SLC4A10: variants seen among roughly 807,000 people sequenced by gnomAD.
SLC4A10 encodes sodium-driven chloride bicarbonate exchanger.
SLC4A10 carries 42 observed loss-of-function variants against 137.7 expected under a neutral mutation model. The ratio of observed to expected loss-of-function variants is 0.30; its 90% CI spans 0.24 to 0.39. SLC4A10 has a LOEUF of 0.39. SLC4A10 is among the 10% of genes least tolerant of loss of function. SLC4A10 has a pLI of 1.00. For synonymous variants in SLC4A10, 474 were observed against 464.1 expected, an observed-to-expected ratio of 1.02 and a Z score of -0.27; for missense variants, 925 against 1,355.0, an observed-to-expected ratio of 0.68 and a Z score of 4.98.
chr2:161,797,148 G>T (rs2054855809), intron 2 of SLC4A10, among the ~76,000 whole-genome samples: 1 of 152,064 alleles, frequency 6.6e-6, no homozygotes, highest in African/African-American at 2.4e-5. Flanking sequence ...TAGTGAAATT[G>T]CAAGCTTTGC....
intron 2 of SLC4A10, among the ~76,000 whole-genome samples, chr2:161,794,000 T>G (rs541865643): frequency 6.6e-6 from 1 of 152,108 alleles, no homozygotes; most frequent in African/African-American, 2.4e-5. Flanking sequence ...ACTATCAGCA[T>G]CAATGAAGTT....
intron 3 of SLC4A10, among the ~76,000 whole-genome samples, chr2:161,822,952 A>C (rs906150923): frequency 3.9e-5 from 6 of 152,134 alleles, no homozygotes; most frequent in African/African-American, 1.4e-4. Context: ...TCCAGCCTGG[A>C]TGGCAGAAAG....
chr2:161,706,487 C>T (rs773641238), intron 1 of SLC4A10, among the ~76,000 whole-genome samples: 1 of 151,376 alleles, frequency 6.6e-6, no homozygotes, highest in Non-Finnish European at 1.5e-5. Flanking sequence ...CTCTTCATTC[C>T]TATTGCCACT....
intron 1 of SLC4A10, among the ~76,000 whole-genome samples, chr2:161,742,811 G>A (rs952512895): frequency 1.3e-5 from 2 of 152,024 alleles, no homozygotes; most frequent in African/African-American, 4.8e-5. Context: ...CATTTTAACC[G>A]GGATGACATG....
At position 161,984,867 on chromosome 2, in the gene SLC4A10, C is replaced by A. The variant is rs1336313810; in HGVS notation, c.*1715C>A. ...TTGTTTTATGATTTAGCCAGTGATT[C>A]CCCAAAGCAGCCTCTTAGTGTTTTA... On this transcript the variant is annotated 3_prime_UTR_variant, in exon 27 of 27. Coordinates refer to ENST00000446997, the MANE Select transcript of SLC4A10 (RefSeq NM_001178015.2). The A allele has an allele frequency of 6.6e-6, 1 of 151,932 alleles. No individual in the cohort carries two copies. The highest frequency in any genetic ancestry group is 1.9e-4 in the East Asian group (1 of 5,202). 9.4% of individuals were successfully genotyped at this position (151,932 alleles called of 1,614,324 possible).
At position 161,687,248 on chromosome 2, in the gene SLC4A10, A is replaced by G. The variant is rs988207182; in HGVS notation, c.48+62682A>G. On this transcript the variant is annotated intron_variant, in intron 1 of 26. Coordinates refer to ENST00000446997, the MANE Select transcript of SLC4A10 (RefSeq NM_001178015.2). Reference sequence around the variant, plus strand: ...AAGTGGAAAAAAGAGTTACAAATATATACATTATGATTCTGTGTATGTATT... The same window carrying G: ...AAGTGGAAAAAAGAGTTACAAATATGTACATTATGATTCTGTGTATGTATT... 9.9e-5 allele frequency among the ~76,000 whole-genome samples: 15 copies of G among 152,152 alleles called. No individual in the cohort carries two copies. The South Asian group carries it at 3.1e-3, about 31-fold the overall frequency.
chr2:161,697,527 T>C (rs2042659203), intron 1 of SLC4A10, among the ~76,000 whole-genome samples: 1 of 152,134 alleles, frequency 6.6e-6, no homozygotes, highest in Admixed American at 6.5e-5. Flanking sequence ...TACATATGGC[T>C]AGCCCGTTTT....
At chr2:161,719,977 T>C (rs1332539057) in intron 1 of SLC4A10, among the ~76,000 whole-genome samples, 1 of 152,246 alleles carries the variant, frequency 6.6e-6, no homozygotes, top group Non-Finnish European at 1.5e-5. Flanking sequence ...CCCATGCATA[T>C]GTCCTGAATG....
chr2:161,787,384 T>G (rs1228794292), intron 2 of SLC4A10, among the ~76,000 whole-genome samples: 1 of 152,200 alleles, frequency 6.6e-6, no homozygotes, highest in Non-Finnish European at 1.5e-5. Flanking sequence ...GTTAGTCTGA[T>G]GACTATATGC....
Position 161,950,771 on chromosome 2 carries a change from C to G in SLC4A10, c.2464C>G (p.Leu822Val). The stretch of plus-strand genomic sequence containing the variant: ...AGTAATAGCTGCTATAATTCCAGCT[C>G]TGCTTTGTACTATTCTAATTTTTAT... ...WTVIAAIIPA[L>V]LCTILIFMDQ... The change falls in exon 19 of 27, where the codon CTG becomes GTG. Residue 822 changes from leucine to valine, a missense_variant. Leu to Val is a conservative substitution (Grantham distance 32). This residue lies in a region of SLC4A10 where 82 missense variants were observed against 151.4 expected (regional missense o/e 0.54). Transcript: ENST00000446997. 1 of 1,601,084 alleles carries G rather than the reference C, an allele frequency of 6.2e-7. No individual in the cohort carries two copies. The highest frequency in any genetic ancestry group is 1.7e-5 in the Admixed American group (1 of 58,416).
intron 1 of SLC4A10, among the ~76,000 whole-genome samples, chr2:161,755,610 C>T (rs569248368): frequency 1.3e-3 from 199 of 152,272 alleles, no homozygotes; most frequent in Non-Finnish European, 2.3e-3. Flanking sequence ...AGTTTTCATT[C>T]CTTCTCTTCC....
intron 1 of SLC4A10, among the ~76,000 whole-genome samples, chr2:161,649,789 C>T (rs1333454610): frequency 1.6e-5 from 1 of 62,244 alleles, no homozygotes; most frequent in African/African-American, 6.2e-5. Flanking sequence ...GTCCTTAGGC[C>T]TAAATAGACA....
intron 11 of SLC4A10, among the ~76,000 whole-genome samples, chr2:161,896,854 A>G (rs1384217465): frequency 6.6e-6 from 1 of 152,112 alleles, no homozygotes; most frequent in Non-Finnish European, 1.5e-5. Flanking sequence ...GCCTGGAAAG[A>G]TTTTAGCCCC....
chr2:161,859,791 G>A (rs1217605664), intron 5 of SLC4A10, among the ~76,000 whole-genome samples: 4 of 151,642 alleles, frequency 2.6e-5, no homozygotes, highest in African/African-American at 9.7e-5. Flanking sequence ...TAGAAGTGAC[G>A]GGGTTTCACC....
chr2:161,707,921 T>G (rs1045177136), intron 1 of SLC4A10, among the ~76,000 whole-genome samples: 1 of 151,408 alleles, frequency 6.6e-6, no homozygotes, highest in Non-Finnish European at 1.5e-5. Flanking sequence ...AAATCCTGTA[T>G]AGGCGCTCAT....
At chr2:161,873,530 C>CAAAA (rs759717096) in intron 7 of SLC4A10, among the ~76,000 whole-genome samples, 488 of 17,334 alleles carry the variant, frequency 0.028, 43 homozygotes, top group Non-Finnish European at 0.046. Context: ...GACCACATCT[C>CAAAA]AAAAAAAAAA....
rs2049895862 is a variant in SLC4A10, at chr2:161,758,383, TTTTA to T, written c.49-12584_49-12581del. 2.0e-5 allele frequency among the ~76,000 whole-genome samples: 3 copies of T among 151,954 alleles called. No individual in the cohort carries two copies. In the South Asian group the frequency reaches 6.2e-4, roughly 31 times the overall value. On this transcript the variant is annotated intron_variant, in intron 1 of 26. Transcript: ENST00000446997. ...TATCATTGAAGTTCATCTCCTCATG[TTTTA>T]TTTATCTCCCTCCTTATATAAAAAA...
At chr2:161,714,452 G>A (rs1440100736) in intron 1 of SLC4A10, among the ~76,000 whole-genome samples, 1 of 151,886 alleles carries the variant, frequency 6.6e-6, no homozygotes, top group Non-Finnish European at 1.5e-5. Context: ...ATGGCAATAT[G>A]GGAAGATTAA....
At position 161,879,236 on chromosome 2, in the gene SLC4A10, T is replaced by C. The variant is rs1056665152; in HGVS notation, c.1054T>C (p.Leu352=). The change falls in exon 9 of 27, where the codon TTG becomes CTG. Residue 352 remains leucine (L), a synonymous_variant. Coordinates refer to ENST00000446997, the MANE Select transcript of SLC4A10 (RefSeq NM_001178015.2). The part of the protein sequence containing the change: ...LDRTVVAFVR[L]SPAVLLQGLA... ...TCGAACAGTAGTTGCGTTTGTCAGGTTGTCTCCAGCTGTATTGCTTCAAGG... is the reference window on the plus strand; with the variant it reads ...TCGAACAGTAGTTGCGTTTGTCAGGCTGTCTCCAGCTGTATTGCTTCAAGG... The C allele has an allele frequency of 1.9e-5, 30 of 1,613,268 alleles. No individual in the cohort carries two copies. The highest frequency in any genetic ancestry group is 2.5e-5 in the Non-Finnish European group (30 of 1,179,438).
Sources: gnomAD v4.1 joint callset for allele counts (sites outside exome capture counted in the v4.1 genomes callset) on GRCh38, gnomAD v4.1.1 for gene constraint, gnomAD v4.1.1 regional missense constraint, MANE v1.5 for transcripts, NCBI Gene and HGNC (gene_info 2026-07-23, HGNC 2026-07-21) for gene names.